The following RSRC2 variants were observed in gnomAD, a reference collection of about 807,000 sequenced individuals.
The protein encoded by RSRC2 is arginine/serine-rich coiled-coil protein 2.
RSRC2 carries 5 observed loss-of-function variants against 61.3 expected under a neutral mutation model. That is an observed-to-expected ratio of 0.08 (90% CI 0.04 to 0.17). RSRC2 has a LOEUF of 0.17. Among genes scored for constraint, RSRC2 ranks in the 10% least tolerant of loss-of-function variants. The pLI is 1.00. For missense variants in RSRC2, 381 were observed against 518.8 expected, an observed-to-expected ratio of 0.73 and a Z score of 2.58; for synonymous variants, 202 against 166.5, an observed-to-expected ratio of 1.21 and a Z score of -1.64.
chr12:122,518,385 G>C (rs1959088246), intron 4 of RSRC2, among the ~76,000 whole-genome samples: 1 of 152,072 alleles, frequency 6.6e-6, no homozygotes, highest in South Asian at 2.1e-4. Flanking sequence ...CTGAGGTCAG[G>C]AGTTCGAGAC....
chr12:122,505,426 G>T lies in RSRC2; in HGVS notation c.*101C>A. 1 of 1,067,980 alleles carries T rather than the reference G, an allele frequency of 9.4e-7. No individual in the cohort carries two copies. Among genetic ancestry groups the T allele is most frequent in the Non-Finnish European group, 1.4e-6 (1 of 730,104 alleles). 66.2% of individuals were successfully genotyped at this position (1,067,980 alleles called of 1,614,324 possible). On this transcript the variant is annotated 3_prime_UTR_variant, in exon 10 of 10. Coordinates refer to ENST00000331738, the MANE Select transcript of RSRC2 (RefSeq NM_023012.6). ...TATTTTTCAATAAATTAAAGTCAAT[G>T]CAACACCCATGCAAGCTAGAGTGCT... is the stretch of plus-strand genomic sequence containing the variant.
intron 4 of RSRC2, among the ~76,000 whole-genome samples, chr12:122,518,621 G>A (rs1374033838): frequency 6.6e-6 from 1 of 150,894 alleles, no homozygotes; most frequent in South Asian, 2.1e-4. Context: ...AGAAATCTAG[G>A]CACTTGAGAT....
chr12:122,505,825 C>G, intron 9 of RSRC2, 119 bp from the exon 10 acceptor site: 1 of 797,392 alleles, frequency 1.3e-6, no homozygotes, highest in Non-Finnish European at 1.9e-6. Flanking sequence ...GTTGTCCCGT[C>G]TGGAGTGCAG....
Position 122,506,893 on chromosome 12 carries a change from T to G in RSRC2, c.1066A>C (p.Lys356Gln), listed in dbSNP as rs1418314635. 6.2e-7 allele frequency: 1 copy of G among 1,609,256 alleles called. No individual in the cohort carries two copies. The highest frequency in any genetic ancestry group is 1.3e-5 in the African/African-American group (1 of 74,776). ...DKSQSAEIWE[K>Q]LNFGNKDQNV... ...TGGTCCTTGTTTCCAAAATTCAATT[T>G]TTCCCATATTTCAGCAGATTGGGAT... The change falls in exon 9 of 10, where the codon AAA becomes CAA. Residue 356 changes from lysine to glutamine, a missense_variant. Physicochemically the swap from Lys to Gln is moderately conservative, Grantham distance 53 (BLOSUM62 1). This residue lies in a region of RSRC2 where 78 missense variants were observed against 183.0 expected (regional missense o/e 0.43). Coordinates refer to ENST00000331738, the MANE Select transcript of RSRC2 (RefSeq NM_023012.6).
At chr12:122,524,095 T>C (rs530049971) in intron 1 of RSRC2, among the ~76,000 whole-genome samples, 12 of 152,306 alleles carry the variant, frequency 7.9e-5, no homozygotes, top group Admixed American at 6.5e-4. Context: ...CCCCTTAGAA[T>C]AGAGTTCAAC....
intron 6 of RSRC2, among the ~76,000 whole-genome samples, chr12:122,514,174 T>C (rs1041993718): frequency 5.9e-5 from 9 of 152,102 alleles, no homozygotes; most frequent in African/African-American, 1.7e-4. Context: ...TTGAATAGTT[T>C]TGCAGATTTC....
intron 8 of RSRC2, chr12:122,507,994 G>A: frequency 1.7e-6 from 1 of 586,606 alleles, no homozygotes; most frequent in Non-Finnish European, 3.0e-6. Flanking sequence ...AGTAGAGACA[G>A]GGTTTTGCCA....
intron 6 of RSRC2, chr12:122,514,552 G>A (rs1163076674): frequency 1.0e-5 from 10 of 968,550 alleles, no homozygotes; most frequent in South Asian, 9.6e-5. Context: ...AGGTGTGACC[G>A]ATTGCACCCG....
intron 7 of RSRC2, 117 bp from the exon 8 acceptor site, chr12:122,508,564 A>C: frequency 1.3e-6 from 1 of 774,870 alleles, no homozygotes; most frequent in Non-Finnish European, 2.1e-6. Flanking sequence ...CAGGATTTTC[A>C]CCAAATCCAA....
intron 3 of RSRC2, chr12:122,520,546 A>C: frequency 7.3e-7 from 1 of 1,367,740 alleles, no homozygotes; most frequent in African/African-American, 1.5e-5. Context: ...CTGAGTCTGC[A>C]GCGTCTTCAG....
In RSRC2 at chr12:122,506,926, G is replaced by A. The variant is rs761447980; in HGVS notation, c.1036-3C>T. 9 of 1,534,242 alleles carry A rather than the reference G, an allele frequency of 5.9e-6. No individual in the cohort carries two copies. On this transcript the variant is annotated splice_polypyrimidine_tract_variant and splice_region_variant and intron_variant, in intron 8 of 9. Transcript: ENST00000331738. ...ATTTCAGCAGATTGGGATTTGTCCT[G>A]TTAACAAACACTGAACTTTAAAATA...
chr12:122,516,197 TAC>T (rs1958907273), intron 5 of RSRC2, among the ~76,000 whole-genome samples: 1 of 152,210 alleles, frequency 6.6e-6, no homozygotes, highest in South Asian at 2.1e-4. Context: ...CAATCTTTCA[TAC>T]ACTGACCTAA....
chr12:122,517,249 T>C lies in RSRC2; in HGVS notation c.580A>G (p.Ser194Gly). ...SRHRHRTRSR[S>G]RTRSRSRDRK... Reference sequence around the variant, plus strand: ...TACCGACTCCTACTCCTTGTCCTACTCCTGCTTCTAGTCCTATGCCTGTGT... The same window carrying C: ...TACCGACTCCTACTCCTTGTCCTACCCCTGCTTCTAGTCCTATGCCTGTGT... The change falls in exon 5 of 10, where the codon AGT (serine) becomes GGT (glycine). Residue 194 changes from serine (S) to glycine (G), a missense_variant. Ser to Gly is a moderately conservative substitution (Grantham distance 56). This residue lies in a region of RSRC2 where 266 missense variants were observed against 270.5 expected (regional missense o/e 0.98). Coordinates refer to ENST00000331738, the MANE Select transcript of RSRC2 (RefSeq NM_023012.6). 6.2e-7 allele frequency: 1 copy of C among 1,614,192 alleles called. No individual in the cohort carries two copies.
intron 7 of RSRC2, among the ~76,000 whole-genome samples, chr12:122,510,167 A>G (rs957633095): frequency 4.6e-5 from 7 of 152,160 alleles, no homozygotes; most frequent in African/African-American, 1.7e-4. Context: ...TAAAAACTTG[A>G]TTTCTTGAAA....
At chr12:122,512,781 G>T (rs1323244588) in intron 6 of RSRC2, among the ~76,000 whole-genome samples, 4 of 149,610 alleles carry the variant, frequency 2.7e-5, no homozygotes, top group African/African-American at 9.8e-5. Context: ...TTACATAAAA[G>T]AAATATAACA....
chr12:122,514,606 CAT>C, intron 6 of RSRC2: 4 of 1,028,530 alleles, frequency 3.9e-6, no homozygotes, highest in Non-Finnish European at 4.7e-6. Flanking sequence ...AAAGTTCTCC[CAT>C]AGTTACCAGG....
chr12:122,510,274 G>A (rs1344709555), intron 7 of RSRC2, among the ~76,000 whole-genome samples: 1 of 152,074 alleles, frequency 6.6e-6, no homozygotes, highest in Admixed American at 6.5e-5. Flanking sequence ...GCTCATGCCT[G>A]TAATCCCAGC....
intron 3 of RSRC2, chr12:122,520,581 G>A (rs908114252): frequency 1.5e-6 from 2 of 1,365,006 alleles, no homozygotes; most frequent in South Asian, 1.1e-5. Flanking sequence ...GCATAAGCAC[G>A]CTGAGTATGA....
chr12:122,526,763 C>T, intron 1 of RSRC2, 85 bp downstream of exon 1: 1 of 1,508,450 alleles, frequency 6.6e-7, no homozygotes, highest in Non-Finnish European at 9.2e-7. Context: ...CACATACACA[C>T]GAACAAGGTT....
Sources: gnomAD v4.1 joint callset for allele counts (sites outside exome capture counted in the v4.1 genomes callset) on GRCh38, gnomAD v4.1.1 for gene constraint, gnomAD v4.1.1 regional missense constraint, MANE v1.5 for transcripts, NCBI Gene and HGNC (gene_info 2026-07-23, HGNC 2026-07-21) for gene names.